Variants in CDH7 observed in about 807,000 individuals in gnomAD.
CDH7 encodes the protein cadherin 7.
A neutral mutation model predicts 71.8 loss-of-function variants in CDH7; 25 were observed. The ratio of observed to expected loss-of-function variants is 0.35; its 90% CI spans 0.25 to 0.49. CDH7 has a LOEUF of 0.49. Ranked by LOEUF, CDH7 falls within the 20% of genes least tolerant of loss-of-function variation. The probability of loss-of-function intolerance (pLI) is 0.99; values close to 1 mark genes in which losing one functional copy is unlikely to be tolerated. For synonymous variants in CDH7, 381 were observed against 363.8 expected, an observed-to-expected ratio of 1.05 and a Z score of -0.54; for missense variants, 862 against 974.6, an observed-to-expected ratio of 0.88 and a Z score of 1.54.
At chr18:65,791,905 T>C (rs1325462879) in intron 2 of CDH7, among the ~76,000 whole-genome samples, 3 of 152,196 alleles carry the variant, frequency 2.0e-5, no homozygotes, top group African/African-American at 7.2e-5. Flanking sequence ...ATCATCCTTA[T>C]CTTTCATCTG....
intron 2 of CDH7, among the ~76,000 whole-genome samples, chr18:65,792,054 AT>A: frequency 6.6e-6 from 1 of 152,198 alleles, no homozygotes; most frequent in Non-Finnish European, 1.5e-5. Context: ...TACATTAACT[AT>A]TTATCACATA....
chr18:65,805,466 A>G (rs746315684), intron 2 of CDH7, among the ~76,000 whole-genome samples: 5 of 152,222 alleles, frequency 3.3e-5, no homozygotes, highest in Admixed American at 6.5e-5. Context: ...GGTTAAATCC[A>G]TAGACTGTGG....
At chr18:65,782,038 C>T (rs1910286890) in intron 2 of CDH7, among the ~76,000 whole-genome samples, 3 of 59,836 alleles carry the variant, frequency 5.0e-5, no homozygotes, top group African/African-American at 3.0e-4. Flanking sequence ...CCCTTCCTTC[C>T]TTCCTTCCTT....
chr18:65,780,352 T>G lies in CDH7; in HGVS notation c.210+17300T>G, dbSNP rs976819251. On this transcript the variant is annotated intron_variant, in intron 2 of 11. Coordinates refer to ENST00000397968, the MANE Select transcript of CDH7 (RefSeq NM_004361.5). Reference sequence around the variant, plus strand: ...TTTTGGCTTTTGTTGCCATTGCTTTTGGTGTTTTGGACATGAAGTCCTTGC... The same window carrying G: ...TTTTGGCTTTTGTTGCCATTGCTTTGGGTGTTTTGGACATGAAGTCCTTGC... Among the ~76,000 whole-genome samples the G allele has an allele frequency of 1.2e-4, 15 of 120,220 alleles. 2 individuals carry two copies. The highest frequency in any genetic ancestry group is 1.2e-3 in the Admixed American group (15 of 12,560). The allele number at this position is 120,220 out of a possible 152,430, so 78.9% of individuals were successfully genotyped here. A position where few individuals can be genotyped will look rare whatever the true frequency, so the allele number is the denominator to read the frequency against.
At chr18:65,759,308 C>T (rs1452362749) in intron 1 of CDH7, among the ~76,000 whole-genome samples, 1 of 150,994 alleles carries the variant, frequency 6.6e-6, no homozygotes, top group East Asian at 1.9e-4. Context: ...GCAGTGGTGC[C>T]GTCTCGGCTC....
chr18:65,762,911 G>C lies in CDH7; in HGVS notation c.69G>C (p.Gly23=). Residue 23 remains glycine, a synonymous_variant, in exon 2 of 12, where the codon GGG becomes GGC. Coordinates refer to ENST00000397968, the MANE Select transcript of CDH7 (RefSeq NM_004361.5). ...TAGCTCTTTTCCTGTGTTTTTCTGG[G>C]ATGAGTCAAGCAGAACTCTCAAGGT... ...QLIALFLCFS[G]MSQAELSRSR... 6.2e-7 allele frequency: 1 copy of C among 1,613,588 alleles called. No individual in the cohort carries two copies.
chr18:65,835,669 G>T (rs1471970122), intron 6 of CDH7, among the ~76,000 whole-genome samples: 1 of 152,186 alleles, frequency 6.6e-6, no homozygotes, highest in African/African-American at 2.4e-5. Flanking sequence ...CGTAGTAAGG[G>T]AATTGGCCTG....
chr18:65,837,607 T>G (rs1912575562), intron 6 of CDH7, among the ~76,000 whole-genome samples: 3 of 152,068 alleles, frequency 2.0e-5, no homozygotes, highest in Non-Finnish European at 4.4e-5. Flanking sequence ...ATTTACATAT[T>G]AAAAGGGCAG....
chr18:65,820,676 A>T (rs1396910426), intron 4 of CDH7, among the ~76,000 whole-genome samples: 4 of 152,136 alleles, frequency 2.6e-5, no homozygotes, highest in Non-Finnish European at 5.9e-5. Context: ...CTTTGTGATG[A>T]TTTCTGCCTT....
rs561681409 is a variant in CDH7 at position 65,771,818 on chromosome 18, AAGAG to A, written c.210+8771_210+8774del. On this transcript the variant is annotated intron_variant, in intron 2 of 11. Transcript: ENST00000397968. ...TCCTTTTGCCATGCAAACGAAAAAA[AAGAG>A]AGAGCCAAATGACATTGGGGGAAAA... 6.1e-3 allele frequency among the ~76,000 whole-genome samples: 927 copies of A among 152,280 alleles called. 14 individuals carry two copies. The highest frequency in any genetic ancestry group is 0.022 in the African/African-American group (903 of 41,566).
intron 7 of CDH7, among the ~76,000 whole-genome samples, chr18:65,857,325 T>G: frequency 9.3e-6 from 1 of 107,058 alleles, no homozygotes; most frequent in Non-Finnish European, 2.0e-5. Flanking sequence ...TCTATAATAA[T>G]AATAATAATA....
intron 6 of CDH7, among the ~76,000 whole-genome samples, chr18:65,838,883 C>T (rs1439842059): frequency 1.3e-5 from 2 of 152,200 alleles, no homozygotes; most frequent in African/African-American, 2.4e-5. Flanking sequence ...AGATGAGAAA[C>T]ACGTACTCTT....
intron 4 of CDH7, among the ~76,000 whole-genome samples, chr18:65,820,422 T>C (rs1370005978): frequency 6.6e-6 from 1 of 152,148 alleles, no homozygotes; most frequent in Non-Finnish European, 1.5e-5. Context: ...TGTGTGTGTG[T>C]ATTTATATAC....
rs781679453 is a variant in CDH7 at position 65,880,892 on chromosome 18, T to C, written c.2356T>C (p.Ter786GlnextTer21). Reference protein sequence around the residue: ...YGTGQESLYS* With the variant: ...YGTGQESLYSQ ...GACTGGCCAAGAGAGTTTGTACTCA[T>C]AGCCTTGGAACCTTAATTCGAAATG... The change falls in exon 12 of 12, where the codon TAG becomes CAG. Residue 786 changes from the stop codon to glutamine (Q), a stop_lost. Coordinates refer to ENST00000397968, the MANE Select transcript of CDH7 (RefSeq NM_004361.5). 2.5e-6 allele frequency: 4 copies of C among 1,592,774 alleles called. No individual in the cohort carries two copies. The Admixed American group carries it at 5.4e-5, about 22-fold the overall frequency.
chr18:65,781,894 TTC>T (rs1218025063), intron 2 of CDH7, among the ~76,000 whole-genome samples: 1 of 59,358 alleles, frequency 1.7e-5, no homozygotes, highest in African/African-American at 1.0e-4. Flanking sequence ...CTCTCTCTCT[TTC>T]TCTCTATCTT....
At chr18:65,794,605 A>AC (rs1178590364) in intron 2 of CDH7, among the ~76,000 whole-genome samples, 2 of 151,446 alleles carry the variant, frequency 1.3e-5, no homozygotes, top group African/African-American at 4.9e-5. Flanking sequence ...AAAAAAAAAA[A>AC]CCTGAAAATT....
intron 7 of CDH7, among the ~76,000 whole-genome samples, chr18:65,849,053 A>G (rs1913036161): frequency 6.6e-6 from 1 of 152,202 alleles, no homozygotes; most frequent in Non-Finnish European, 1.5e-5. Flanking sequence ...TAAGAAAATT[A>G]GCAAACCAAC....
intron 6 of CDH7, among the ~76,000 whole-genome samples, chr18:65,840,311 G>C (rs1216886656): frequency 2.0e-5 from 3 of 152,166 alleles, no homozygotes; most frequent in Non-Finnish European, 4.4e-5. Flanking sequence ...GTATCTGCTA[G>C]TCTGTATGTC....
chr18:65,788,289 T>C, intron 2 of CDH7, among the ~76,000 whole-genome samples: 1 of 152,152 alleles, frequency 6.6e-6, no homozygotes, highest in East Asian at 1.9e-4. Context: ...TCTAAAATCA[T>C]CAATTAAGTT....
Sources: allele counts gnomAD v4.1 joint callset (sites outside exome capture counted in the v4.1 genomes callset), GRCh38; gene constraint gnomAD v4.1.1; transcripts MANE v1.5; gene names NCBI Gene and HGNC (gene_info 2026-07-23, HGNC 2026-07-21).